The following MORC1 variants were observed in gnomAD, a reference collection of about 807,000 sequenced individuals.
MORC1 encodes MORC family CW-type zinc finger protein 1.
MORC1 carries 59 observed loss-of-function variants against 134.9 expected under a neutral mutation model. That is an observed-to-expected ratio of 0.44 (90% CI 0.35 to 0.54). MORC1 has a LOEUF of 0.54. Ranked by LOEUF, MORC1 falls within the 20% of genes least tolerant of loss-of-function variation. The pLI, the probability that MORC1 is intolerant of heterozygous loss-of-function variation, is 0.00. For synonymous variants in MORC1, 395 were observed against 391.7 expected (o/e 1.01, Z -0.10); for missense variants, 947 against 1,134.5 (o/e 0.83, Z 2.37).
chr3:109,111,995 C>T (rs1188239636), intron 2 of MORC1, among the ~76,000 whole-genome samples: 1 of 152,180 alleles, frequency 6.6e-6, no homozygotes, highest in Admixed American at 6.5e-5. Flanking sequence ...TCTTCCGATC[C>T]TTACCATAGT....
chr3:109,108,825 G>A (rs1035362092), intron 3 of MORC1, among the ~76,000 whole-genome samples: 11 of 151,732 alleles, frequency 7.2e-5, no homozygotes, highest in Non-Finnish European at 1.2e-4. Flanking sequence ...GTGTGAACCT[G>A]GGAGGCAGAG....
chr3:109,003,270 T>C (rs1184890921), intron 20 of MORC1, among the ~76,000 whole-genome samples: 3 of 151,590 alleles, frequency 2.0e-5, no homozygotes, highest in Non-Finnish European at 4.4e-5. Flanking sequence ...TACATATATA[T>C]ATATATACAC....
At chr3:108,975,001 C>T (rs575222653) in intron 24 of MORC1, among the ~76,000 whole-genome samples, 1 of 152,292 alleles carries the variant, frequency 6.6e-6, no homozygotes, top group East Asian at 1.9e-4. Flanking sequence ...CAGCTAAGGG[C>T]CATTTCCATT....
chr3:108,986,923 A>C lies in MORC1; in HGVS notation c.2214T>G (p.Val738=). ...TTTCCTTTTTTTCTTGTTTCAATGAAACATCAGTGTTGCTTTTATCTGAAA... is the reference window on the plus strand; with the variant it reads ...TTTCCTTTTTTTCTTGTTTCAATGACACATCAGTGTTGCTTTTATCTGAAA... The part of the protein sequence containing the change: ...ILVSDKSNTD[V]SLKQEKKEIP... The change falls in exon 22 of 28, where the codon GTT becomes GTG. Residue 738 remains valine, a synonymous_variant. Coordinates refer to ENST00000232603, the MANE Select transcript of MORC1 (RefSeq NM_014429.4). 6.3e-7 allele frequency: 1 copy of C among 1,577,806 alleles called. No homozygotes were observed. Among genetic ancestry groups the C allele is most frequent in the Non-Finnish European group, 8.6e-7 (1 of 1,166,580 alleles).
In MORC1 at chr3:109,057,382, A is replaced by G. The variant is rs762259758; in HGVS notation, c.1136T>C (p.Met379Thr). The change falls in exon 13 of 28, where the codon ATG becomes ACG. Residue 379 changes from methionine (M) to threonine (T), a missense_variant. This residue lies in a region of MORC1 where 722 missense variants were observed against 817.0 expected (regional missense o/e 0.88). Coordinates refer to ENST00000232603, the MANE Select transcript of MORC1 (RefSeq NM_014429.4). ...FIYSNNRLIKMHEKVGSQLKL... is the reference protein window; with the variant it reads ...FIYSNNRLIKTHEKVGSQLKL... ...CAACTGTGAGCCCACTTTTTCATGC[A>G]TTTTGATCAAACGGTTATTACTGTA... 2 of 1,610,802 alleles carry G rather than the reference A, an allele frequency of 1.2e-6. No individual in the cohort carries two copies. The highest frequency in any genetic ancestry group is 1.7e-6 in the Non-Finnish European group (2 of 1,178,472).
At chr3:109,089,652 A>G (rs1295386013) in intron 8 of MORC1, among the ~76,000 whole-genome samples, 1 of 152,176 alleles carries the variant, frequency 6.6e-6, no homozygotes, top group Non-Finnish European at 1.5e-5. Context: ...GGAAGAAAAC[A>G]TCTACAAAAG....
At chr3:108,965,937 C>A (rs536959081) in intron 26 of MORC1, among the ~76,000 whole-genome samples, 1 of 152,128 alleles carries the variant, frequency 6.6e-6, no homozygotes, top group African/African-American at 2.4e-5. Context: ...CAGTAAACTA[C>A]GTTTTTATCA....
intron 1 of MORC1, among the ~76,000 whole-genome samples, chr3:109,115,554 T>C (rs920123650): frequency 1.3e-5 from 2 of 152,212 alleles, no homozygotes; most frequent in Non-Finnish European, 2.9e-5. Context: ...AAATACGATA[T>C]GCTTTACAAA....
In MORC1 at chr3:109,094,051, T is replaced by C. The variant is rs991578596; in HGVS notation, c.584-510A>G. Among the ~76,000 whole-genome samples, 8 of 152,318 alleles carry C rather than the reference T, an allele frequency of 5.3e-5. No individual in the cohort carries two copies. The East Asian group carries it at 1.5e-3, about 29-fold the overall frequency. On this transcript the variant is annotated intron_variant, in intron 7 of 27. Coordinates refer to ENST00000232603, the MANE Select transcript of MORC1 (RefSeq NM_014429.4). ...GGCTTTGCAGGCCATACGGTCTCTG[T>C]TGCAACTATTCACAATGTAGCTCTG... is the stretch of plus-strand genomic sequence containing the variant.
intron 14 of MORC1, among the ~76,000 whole-genome samples, chr3:109,044,340 C>T (rs1344390954): frequency 2.6e-5 from 4 of 151,042 alleles, no homozygotes; most frequent in East Asian, 4.0e-4. Context: ...GGGCGGATCG[C>T]GAGGTCAGGA....
chr3:109,104,466 T>C (rs960857187), intron 3 of MORC1, among the ~76,000 whole-genome samples: 4 of 152,204 alleles, frequency 2.6e-5, no homozygotes, highest in Non-Finnish European at 4.4e-5. Context: ...GCTAAGTTAT[T>C]TGAAATCAAT....
Position 109,057,450 on chromosome 3 carries a change from A to G in MORC1, c.1068T>C (p.Tyr356=), listed in dbSNP as rs377177669. Residue 356 remains tyrosine, a synonymous_variant, in exon 13 of 28, where the codon TAT becomes TAC. Coordinates refer to ENST00000232603, the MANE Select transcript of MORC1 (RefSeq NM_014429.4). ...GGCTTCGGTTTTCTACGTTCACTCC[A>G]TAGAACAGGGAGAGCGTTCTTGCTG... ...LKTARTLSLF[Y]GVNVENRSQA... The G allele has an allele frequency of 6.2e-7, 1 of 1,610,246 alleles. No individual in the cohort carries two copies. Among genetic ancestry groups the G allele is most frequent in the Non-Finnish European group, 8.5e-7 (1 of 1,178,090 alleles).
At chr3:109,045,870 A>G (rs942093296) in intron 14 of MORC1, among the ~76,000 whole-genome samples, 2 of 152,064 alleles carry the variant, frequency 1.3e-5, no homozygotes, top group African/African-American at 4.8e-5. Flanking sequence ...AATTCACTCC[A>G]AATGTCAGCT....
intron 17 of MORC1, chr3:109,018,893 T>A (rs2107573909): frequency 6.6e-6 from 1 of 152,270 alleles, no homozygotes; most frequent in East Asian, 1.9e-4. Context: ...CCTTTTTTAC[T>A]TGTTAAAACA....
At chr3:108,968,036 T>C (rs961706783) in intron 26 of MORC1, among the ~76,000 whole-genome samples, 2 of 152,198 alleles carry the variant, frequency 1.3e-5, no homozygotes, top group East Asian at 1.9e-4. Context: ...TGTGTTAATA[T>C]AGAAAAGACC....
chr3:109,017,826 A>G (rs1230678815), intron 17 of MORC1, among the ~76,000 whole-genome samples: 1 of 152,162 alleles, frequency 6.6e-6, no homozygotes, highest in Non-Finnish European at 1.5e-5. Context: ...AAATATCAGT[A>G]TTCATTTTTA....
At chr3:109,037,718 T>C (rs1243707008) in intron 14 of MORC1, among the ~76,000 whole-genome samples, 1 of 152,212 alleles carries the variant, frequency 6.6e-6, no homozygotes, top group Non-Finnish European at 1.5e-5. Flanking sequence ...TTGTTATAGT[T>C]TGCTCAGAAT....
At chr3:108,999,504 C>T (rs1192242236) in intron 21 of MORC1, among the ~76,000 whole-genome samples, 1 of 152,118 alleles carries the variant, frequency 6.6e-6, no homozygotes, top group Non-Finnish European at 1.5e-5. Context: ...TACCTTGTGA[C>T]AATAACTTTC....
chr3:109,103,995 A>C, intron 3 of MORC1, 78 bp from the exon 4 acceptor site: 1 of 1,319,484 alleles, frequency 7.6e-7, no homozygotes, highest in South Asian at 1.2e-5. Context: ...TAGAATAATT[A>C]TTCGTCTTCC....
Sources: allele counts gnomAD v4.1 joint callset (sites outside exome capture counted in the v4.1 genomes callset), GRCh38; gene constraint gnomAD v4.1.1; regional missense constraint gnomAD v4.1.1; transcripts MANE v1.5; gene names NCBI Gene and HGNC (gene_info 2026-07-23, HGNC 2026-07-21).